Variants in MID1 observed in about 807,000 individuals in gnomAD.
The protein encoded by MID1 is midline 1.
A neutral mutation model predicts 40.4 loss-of-function variants in MID1; 7 were observed. That is an observed-to-expected ratio of 0.17 (90% CI 0.10 to 0.33). MID1 has a LOEUF of 0.33. Among genes scored for constraint, MID1 ranks in the 10% least tolerant of loss-of-function variants. The probability of loss-of-function intolerance (pLI) is 1.00; values close to 1 mark genes in which losing one functional copy is unlikely to be tolerated. For synonymous variants in MID1, 229 were observed against 221.2 expected, an observed-to-expected ratio of 1.04 and a Z score of -0.31; for missense variants, 367 against 558.5, an observed-to-expected ratio of 0.66 and a Z score of 3.46.
intron 2 of MID1, among the ~76,000 whole-genome samples, chrX:10,531,349 C>T (rs1464182178): frequency 8.9e-6 from 1 of 112,173 alleles, no homozygotes; most frequent in Non-Finnish European, 1.9e-5. Context: ...ACCGCAAATA[C>T]ATGTAATTTA....
intron 1 of MID1, among the ~76,000 whole-genome samples, chrX:10,720,520 A>T (rs1269288936): frequency 8.9e-6 from 1 of 112,016 alleles, no homozygotes; most frequent in Non-Finnish European, 1.9e-5. Flanking sequence ...ACTAGTTAGA[A>T]TGGCGATCAT....
intron 1 of MID1, among the ~76,000 whole-genome samples, chrX:10,743,367 G>T (rs756463294): frequency 8.9e-6 from 1 of 112,144 alleles, no homozygotes; most frequent in Admixed American, 9.5e-5. Flanking sequence ...ACGAAACGGC[G>T]GCATTAAAAA....
intron 1 of MID1, among the ~76,000 whole-genome samples, chrX:10,729,248 G>A (rs1265922279): frequency 8.9e-6 from 1 of 111,867 alleles, no homozygotes; most frequent in Admixed American, 9.5e-5. Context: ...GCTAATGTAA[G>A]GCATGCTATC....
In MID1 at chrX:10,798,670, T is replaced by G. The variant is rs779723318; in HGVS notation, c.-187+34884A>C. Among the ~76,000 whole-genome samples the G allele has an allele frequency of 3.6e-5, 4 of 111,389 alleles. No homozygotes were observed. The South Asian group carries it at 1.5e-3, about 43-fold the overall frequency. Reference sequence around the variant, plus strand: ...CACTCTGAGCTCATCAGTCCCCTTATTTATATTTCTAAGGAGAGGGAGTGG... The same window carrying G: ...CACTCTGAGCTCATCAGTCCCCTTAGTTATATTTCTAAGGAGAGGGAGTGG... On this transcript the variant is annotated intron_variant, in intron 1 of 10. Transcript: ENST00000380785.
intron 3 of MID1, among the ~76,000 whole-genome samples, chrX:10,506,754 T>C (rs1483632777): frequency 9.0e-6 from 1 of 111,712 alleles, no homozygotes; most frequent in Non-Finnish European, 1.9e-5. Context: ...ATCACAGTCA[T>C]CCAATTTTTC....
intron 1 of MID1, among the ~76,000 whole-genome samples, chrX:10,789,367 T>C (rs1467173868): frequency 8.9e-6 from 1 of 112,383 alleles, no homozygotes; most frequent in Non-Finnish European, 1.9e-5. Flanking sequence ...CACATAACAA[T>C]GTTTTGATCA....
At chrX:10,757,745 T>C (rs2043641716) in intron 1 of MID1, among the ~76,000 whole-genome samples, 1 of 111,505 alleles carries the variant, frequency 9.0e-6, no homozygotes, top group Non-Finnish European at 1.9e-5. Context: ...AATGGAACTC[T>C]ATCGAAATAA....
chrX:10,550,083 T>G (rs1331606991), intron 2 of MID1, among the ~76,000 whole-genome samples: 1 of 112,693 alleles, frequency 8.9e-6, no homozygotes, highest in African/African-American at 3.2e-5. Flanking sequence ...ACTAACAGAT[T>G]TAATGAGTTA....
At chrX:10,512,716 T>C (rs1489043946) in intron 3 of MID1, among the ~76,000 whole-genome samples, 2 of 112,555 alleles carry the variant, frequency 1.8e-5, no homozygotes, top group Non-Finnish European at 3.8e-5. Context: ...CTTCCTTGAA[T>C]GAACTTATGA....
In MID1 at chrX:10,523,081, G is replaced by A. The variant is rs906089834; in HGVS notation, c.756+11C>T. ...ATGAAACATACCATACAGAAATACAGAGATACTCACTTCAACATGTTGACA... is the reference window on the plus strand; with the variant it reads ...ATGAAACATACCATACAGAAATACAAAGATACTCACTTCAACATGTTGACA... On this transcript the variant is annotated intron_variant, in intron 3 of 9. Transcript: ENST00000317552. The A allele has an allele frequency of 1.3e-5, 15 of 1,149,654 alleles. No individual in the cohort carries two copies. Among genetic ancestry groups the A allele is most frequent in the Non-Finnish European group, 1.8e-5 (15 of 840,643 alleles). The allele number at this position is 1,149,654 out of a possible 1,213,427, so 94.7% of individuals were successfully genotyped here.
intron 1 of MID1, among the ~76,000 whole-genome samples, chrX:10,682,052 T>A (rs1327390013): frequency 9.0e-6 from 1 of 111,343 alleles, no homozygotes; most frequent in Non-Finnish European, 1.9e-5. Flanking sequence ...ATGCCTGTAA[T>A]CCTAGCACTT....
At chrX:10,811,323 T>A (rs1475151401) in intron 1 of MID1, among the ~76,000 whole-genome samples, 1 of 112,438 alleles carries the variant, frequency 8.9e-6, no homozygotes, top group African/African-American at 3.2e-5. Flanking sequence ...TCTGCTTTTT[T>A]AACCATCACT....
chrX:10,740,144 T>C (rs1449190875), intron 1 of MID1, among the ~76,000 whole-genome samples: 1 of 112,852 alleles, frequency 8.9e-6, no homozygotes, highest in Non-Finnish European at 1.9e-5. Context: ...TTTCTTTTTC[T>C]TTTTTGCGAA....
chrX:10,771,933 T>C (rs1021377812), intron 1 of MID1, among the ~76,000 whole-genome samples: 4 of 111,454 alleles, frequency 3.6e-5, no homozygotes, highest in African/African-American at 1.3e-4. Flanking sequence ...ACAACCACTA[T>C]GGAGATTCCT....
rs1000559418 is a variant in MID1 at position 10,589,052 on chromosome X, A to G, written c.-56-21449T>C. 2.7e-5 allele frequency among the ~76,000 whole-genome samples: 3 copies of G among 111,646 alleles called. No homozygotes were observed. The Admixed American group carries it at 2.9e-4, about 11-fold the overall frequency. On this transcript the variant is annotated intron_variant, in intron 1 of 9. Coordinates refer to ENST00000317552, the MANE Select transcript of MID1 (RefSeq NM_000381.4). Reference sequence around the variant, plus strand: ...TTCTTTGAGACAAAACACCATGCTCACACCACACGCACACCACAAAACAAA... The same window carrying G: ...TTCTTTGAGACAAAACACCATGCTCGCACCACACGCACACCACAAAACAAA...
intron 3 of MID1, among the ~76,000 whole-genome samples, chrX:10,509,504 G>T (rs1395824247): frequency 9.0e-6 from 1 of 111,298 alleles, no homozygotes; most frequent in Admixed American, 9.5e-5. Flanking sequence ...GACCCACCTC[G>T]ATCGATCTCT....
At chrX:10,794,107 A>G (rs1267298438) in intron 1 of MID1, among the ~76,000 whole-genome samples, 1 of 112,160 alleles carries the variant, frequency 8.9e-6, no homozygotes, top group Non-Finnish European at 1.9e-5. Context: ...GAAAGAATTA[A>G]TGAATGCTGA....
chrX:10,696,838 T>C (rs1484622734), intron 1 of MID1, among the ~76,000 whole-genome samples: 2 of 111,969 alleles, frequency 1.8e-5, no homozygotes, highest in Non-Finnish European at 3.8e-5. Flanking sequence ...CAATGATGTA[T>C]CCAAAAATAA....
chrX:10,633,490 C>T (rs749770381), intron 1 of MID1, among the ~76,000 whole-genome samples: 1 of 110,736 alleles, frequency 9.0e-6, no homozygotes, highest in Non-Finnish European at 1.9e-5. Context: ...CTCTGTTGCC[C>T]AGGCTAGAGT....
Sources: allele counts gnomAD v4.1 joint callset (sites outside exome capture counted in the v4.1 genomes callset), GRCh38; gene constraint gnomAD v4.1.1; transcripts MANE v1.5; gene names NCBI Gene and HGNC (gene_info 2026-07-23, HGNC 2026-07-21).